Variants in VGLL4 observed in about 807,000 individuals in gnomAD.
The protein encoded by VGLL4 is vestigial like family member 4.
Under a neutral mutation model 21.0 loss-of-function variants are expected in VGLL4, and 7 were observed. That is an observed-to-expected ratio of 0.33 (90% confidence interval 0.19 to 0.63). The LOEUF is 0.63. Among genes scored for constraint, VGLL4 ranks in the 20% least tolerant of loss-of-function variants. VGLL4 has a pLI of 0.78. For synonymous variants in VGLL4, 222 were observed against 173.2 expected (o/e 1.28, Z -2.21); for missense variants, 394 against 425.7 (o/e 0.93, Z 0.66).
rs2075743483 is a variant in VGLL4 at position 11,643,843 on chromosome 3, G to A, written c.-325C>T. The stretch of plus-strand genomic sequence containing the variant: ...AGTGAAAAAGAGAAACGCGCAGCCC[G>A]TTTCCTAGGACAAAGCGGCGCCGGC... On this transcript the variant is annotated 5_prime_UTR_variant, in exon 1 of 5. In the 5' UTR this introduces an upstream ATG that the reference lacks. Transcript: ENST00000430365. 3 of 1,056,512 alleles carry A rather than the reference G, an allele frequency of 2.8e-6. No individual in the cohort carries two copies. The highest frequency in any genetic ancestry group is 1.7e-5 in the African/African-American group (1 of 58,880). 65.4% of individuals were successfully genotyped at this position (1,056,512 alleles called of 1,614,324 possible).
intron 1 of VGLL4, among the ~76,000 whole-genome samples, chr3:11,640,307 A>T (rs1044556038): frequency 1.3e-5 from 2 of 152,106 alleles, no homozygotes; most frequent in Non-Finnish European, 2.9e-5. Context: ...TCGCCAGTCT[A>T]GTAAGGTATT....
In VGLL4 at chr3:11,628,558, C is replaced by A. The variant is rs528720745; in HGVS notation, c.82+14879G>T. 2.0e-5 allele frequency among the ~76,000 whole-genome samples: 3 copies of A among 152,102 alleles called. No homozygotes were observed. In the South Asian group the frequency reaches 6.2e-4, roughly 32 times the overall value. On this transcript the variant is annotated intron_variant, in intron 1 of 4. Transcript: ENST00000430365. ...AATCTCGGCCGGGCGCGGTGGCTCA[C>A]GCCTGTAATCCCAGCACTTTGGGAG...
At chr3:11,622,005 T>G (rs7621919) in intron 1 of VGLL4, among the ~76,000 whole-genome samples, 15,077 of 152,244 alleles carry the variant, frequency 0.099, 1,156 homozygotes, top group African/African-American at 0.2. Context: ...GCCTTTGTAC[T>G]GTTGAGATGT....
intron 1 of VGLL4, among the ~76,000 whole-genome samples, chr3:11,620,207 C>T (rs1293095000): frequency 2.6e-5 from 4 of 152,212 alleles, no homozygotes; most frequent in Middle Eastern, 3.2e-3. Flanking sequence ...GGCTCAGCAA[C>T]TTGCCCAAGG....
upstream of VGLL4, among the ~76,000 whole-genome samples, chr3:11,645,973 AAAAAC>A (rs572050672): frequency 2.2e-3 from 328 of 152,304 alleles, 3 homozygotes; most frequent in African/African-American, 7.1e-3. Context: ...CTCCGTCTCA[AAAAAC>A]AAAACAAAAC....
intron 1 of VGLL4, among the ~76,000 whole-genome samples, chr3:11,716,119 T>C (rs2076915457): frequency 6.6e-6 from 1 of 151,900 alleles, no homozygotes; most frequent in Non-Finnish European, 1.5e-5. Context: ...TTGGCCAACA[T>C]GGTGAAGCCC....
chr3:11,595,978 TATA>T (rs2074631167), intron 2 of VGLL4, among the ~76,000 whole-genome samples: 1 of 151,192 alleles, frequency 6.6e-6, no homozygotes, highest in African/African-American at 2.4e-5. Context: ...AAACTTAAAG[TATA>T]ATAATAATAA....
At chr3:11,630,384 C>G (rs1214612925) in intron 1 of VGLL4, among the ~76,000 whole-genome samples, 2 of 152,182 alleles carry the variant, frequency 1.3e-5, no homozygotes, top group Non-Finnish European at 2.9e-5. Flanking sequence ...GTGGCTCACA[C>G]CTGTAACCCC....
intron 1 of VGLL4, among the ~76,000 whole-genome samples, chr3:11,636,701 G>A (rs1422979696): frequency 6.6e-6 from 1 of 152,162 alleles, no homozygotes; most frequent in Non-Finnish European, 1.5e-5. Flanking sequence ...CCCCCATGTT[G>A]CATTCTCCAA....
intron 1 of VGLL4, among the ~76,000 whole-genome samples, chr3:11,624,005 GT>G (rs1289841833): frequency 7.9e-5 from 12 of 152,224 alleles, no homozygotes; most frequent in South Asian, 2.1e-4. Context: ...GTCTCCCAAA[GT>G]GCTGGGATTA....
At position 11,558,604 on chromosome 3, in the gene VGLL4, G is replaced by A. The variant is rs2072658604; in HGVS notation, c.843C>T (p.Pro281=). ...SASRRGQPAS[P]SAHMVSHSHS... ...GACTGTGGCTGACCATGTGGGCAGAGGGGCTGGCGGGCTGGCCCCTGCGAG... is the reference window on the plus strand; with the variant it reads ...GACTGTGGCTGACCATGTGGGCAGAAGGGCTGGCGGGCTGGCCCCTGCGAG... The change falls in exon 5 of 5, where the codon CCC becomes CCT. Residue 281 remains proline (P), a synonymous_variant. Coordinates refer to ENST00000430365, the MANE Select transcript of VGLL4 (RefSeq NM_001128219.3). 1 of 1,606,352 alleles carries A rather than the reference G, an allele frequency of 6.2e-7. No homozygotes were observed. Among genetic ancestry groups the A allele is most frequent in the Non-Finnish European group, 8.5e-7 (1 of 1,179,962 alleles).
intron 2 of VGLL4, among the ~76,000 whole-genome samples, chr3:11,678,833 G>A (rs2076330099): frequency 6.6e-6 from 1 of 152,200 alleles, no homozygotes; most frequent in Admixed American, 6.5e-5. Flanking sequence ...GTCATGCCCT[G>A]CATAATGACG....
intron 1 of VGLL4, among the ~76,000 whole-genome samples, chr3:11,638,539 C>A (rs200069841): frequency 1.3e-5 from 2 of 152,168 alleles, no homozygotes; most frequent in East Asian, 3.9e-4. Context: ...CTCTCTGTCT[C>A]CCCCTTCCTC....
intron 1 of VGLL4, among the ~76,000 whole-genome samples, chr3:11,630,679 T>C (rs748982439): frequency 6.6e-6 from 1 of 152,084 alleles, no homozygotes; most frequent in Non-Finnish European, 1.5e-5. Context: ...AATAAAGATG[T>C]AGAGTTCCTG....
intron 2 of VGLL4, among the ~76,000 whole-genome samples, chr3:11,573,253 A>AATAG (rs1553723076): frequency 6.8e-4 from 3 of 4,406 alleles, no homozygotes; most frequent in African/African-American, 1.1e-3. Flanking sequence ...TAGAGAAAGA[A>AATAG]AGAAAGAAAG....
rs1352221043 is a variant in VGLL4 at position 11,565,179 on chromosome 3, A to G, written c.273-160T>C. Reference sequence around the variant, plus strand: ...GAGGAGCCGGTTGCCAGCCCGGGTCAGCCGGACACCAAAGCCTCTGGGTGC... The same window carrying G: ...GAGGAGCCGGTTGCCAGCCCGGGTCGGCCGGACACCAAAGCCTCTGGGTGC... On this transcript the variant is annotated intron_variant, in intron 2 of 4. Coordinates refer to ENST00000430365, the MANE Select transcript of VGLL4 (RefSeq NM_001128219.3). The surrounding 1 kb of genome is among the most constrained non-coding windows in gnomAD (Gnocchi z 4.1). Among the ~76,000 whole-genome samples, 3 of 152,140 alleles carry G rather than the reference A, an allele frequency of 2.0e-5. No individual in the cohort carries two copies. Among genetic ancestry groups the G allele is most frequent in the Non-Finnish European group, 4.4e-5 (3 of 68,014 alleles).
upstream of VGLL4, among the ~76,000 whole-genome samples, chr3:11,644,898 G>A (rs1222586773): frequency 2.7e-5 from 4 of 150,308 alleles, no homozygotes; most frequent in African/African-American, 7.3e-5. Context: ...GAGGAGAAGA[G>A]ATGGAAGAGT....
intron 1 of VGLL4, among the ~76,000 whole-genome samples, chr3:11,718,288 G>C (rs1283108304): frequency 9.2e-5 from 14 of 152,218 alleles, no homozygotes; most frequent in Admixed American, 9.2e-4. Flanking sequence ...ATTCAAAACT[G>C]TCTTGAGTGT....
At chr3:11,697,715 T>C (rs1297127889) in intron 2 of VGLL4, among the ~76,000 whole-genome samples, 3 of 152,200 alleles carry the variant, frequency 2.0e-5, no homozygotes, top group Non-Finnish European at 4.4e-5. Flanking sequence ...CCTAGAAATA[T>C]AAACATATTC....
Sources: allele counts gnomAD v4.1 joint callset (sites outside exome capture counted in the v4.1 genomes callset), GRCh38; gene constraint gnomAD v4.1.1; non-coding constraint Gnocchi (gnomAD v3.1); transcripts MANE v1.5; gene names NCBI Gene and HGNC (gene_info 2026-07-23, HGNC 2026-07-21).